Variants in VSX2 observed in about 807,000 individuals in gnomAD.
The protein encoded by VSX2 is ceh-10 homeo domain containing homolog.
VSX2 carries 28 observed loss-of-function variants against 32.1 expected under a neutral mutation model. The observed-to-expected ratio is 0.87, with a 90% CI of 0.65 to 1.20. VSX2 has a LOEUF of 1.20. Among genes scored for constraint, VSX2 ranks in the 50% most tolerant of loss-of-function variants. VSX2 has a pLI of 0.00. For synonymous variants in VSX2, 243 were observed against 214.1 expected (o/e 1.14, Z -1.18); for missense variants, 506 against 488.7 (o/e 1.04, Z -0.33).
intron 3 of VSX2, among the ~76,000 whole-genome samples, chr14:74,248,675 AG>A (rs945937519): frequency 7.3e-5 from 11 of 150,012 alleles, no homozygotes; most frequent in Non-Finnish European, 1.3e-4. Context: ...TGGGTGACAG[AG>A]TGAGACTCTG....
intron 2 of VSX2, among the ~76,000 whole-genome samples, chr14:74,243,226 T>TG (rs1389493724): frequency 2.6e-5 from 4 of 152,106 alleles, no homozygotes; most frequent in African/African-American, 7.2e-5. Flanking sequence ...TAAAAGCGTT[T>TG]GGGGGGTGGC....
chr14:74,242,593 AT>A (rs529681821), intron 2 of VSX2, among the ~76,000 whole-genome samples: 177 of 143,632 alleles, frequency 1.2e-3, no homozygotes, highest in African/African-American at 4.2e-3. Context: ...AAAAAGAAAA[AT>A]TTTTTTGGTC....
chr14:74,241,747 G>T (rs943845787), intron 2 of VSX2, among the ~76,000 whole-genome samples: 1 of 152,340 alleles, frequency 6.6e-6, no homozygotes, highest in South Asian at 2.1e-4. Flanking sequence ...GTTCTCCAAA[G>T]CTGGAGCGAT....
intron 3 of VSX2, among the ~76,000 whole-genome samples, chr14:74,245,996 C>T (rs932189815): frequency 2.0e-5 from 3 of 152,238 alleles, no homozygotes; most frequent in Non-Finnish European, 4.4e-5. Flanking sequence ...GGGGCCTCCA[C>T]TTAGCGGCAG....
chr14:74,248,350 A>AC (rs1555388010), intron 3 of VSX2, among the ~76,000 whole-genome samples: 2 of 139,812 alleles, frequency 1.4e-5, no homozygotes, highest in African/African-American at 5.2e-5. Flanking sequence ...AAAAAAAAAA[A>AC]ACAAAAAAAA....
At chr14:74,243,341 G>A (rs2079163539) in intron 2 of VSX2, among the ~76,000 whole-genome samples, 1 of 152,158 alleles carries the variant, frequency 6.6e-6, no homozygotes, top group Non-Finnish European at 1.5e-5. Flanking sequence ...AGCCTGAAGG[G>A]TCTGGGGTTC....
chr14:74,248,357 AAAAC>A (rs1232906766), intron 3 of VSX2, among the ~76,000 whole-genome samples: 1 of 103,730 alleles, frequency 9.6e-6, no homozygotes, highest in African/African-American at 2.9e-5. Flanking sequence ...AAAAACAAAA[AAAAC>A]CAAAAACGAG....
At chr14:74,250,250 T>A (rs79789519) in intron 3 of VSX2, among the ~76,000 whole-genome samples, 6 of 8,038 alleles carry the variant, frequency 7.5e-4, no homozygotes, top group African/African-American at 5.1e-4. Context: ...AAAAAAAAAA[T>A]TTTTTTTTTT....
intron 3 of VSX2, among the ~76,000 whole-genome samples, chr14:74,250,359 A>G (rs1275843969): frequency 6.6e-6 from 1 of 152,146 alleles, no homozygotes; most frequent in African/African-American, 2.4e-5. Context: ...CTGAGGGGTC[A>G]CTTGTTACTA....
chr14:74,257,716 A>T (rs28710281), intron 3 of VSX2, among the ~76,000 whole-genome samples: 14 of 139,920 alleles, frequency 1.0e-4, no homozygotes, highest in South Asian at 4.7e-4. Context: ...ACCACCCCCC[A>T]CCCACTTCCC....
chr14:74,252,053 G>A (rs532055675), intron 3 of VSX2, among the ~76,000 whole-genome samples: 1 of 152,336 alleles, frequency 6.6e-6, no homozygotes, highest in Admixed American at 6.5e-5. Flanking sequence ...GACTGCAGAG[G>A]GTCTCCTGGG....
Position 74,259,501 on chromosome 14 carries a change from C to T in VSX2, c.580-101C>T, listed in dbSNP as rs533961799. On this transcript the variant is annotated intron_variant, in intron 3 of 4. Coordinates refer to ENST00000261980, the MANE Select transcript of VSX2 (RefSeq NM_182894.3). The stretch of plus-strand genomic sequence containing the variant: ...GGAGTAGGCGAGCTTAGGTTAAGGA[C>T]GCCCTGCTGGAGAAATCTTCACTCC... 40 of 1,466,310 alleles carry T rather than the reference C, an allele frequency of 2.7e-5. No individual in the cohort carries two copies. In the East Asian group the frequency reaches 6.4e-4, roughly 24 times the overall value. 90.8% of individuals were successfully genotyped at this position (1,466,310 alleles called of 1,614,324 possible). A position where few individuals can be genotyped will look rare whatever the true frequency, so the allele number is the denominator to read the frequency against.
Position 74,260,725 on chromosome 14 carries a change from C to T in VSX2, c.892C>T (p.Gln298Ter), listed in dbSNP as rs1337427944. The change falls in exon 5 of 5, where the codon CAG becomes TAG. Residue 298 changes from glutamine to a stop codon, truncating the protein, a stop_gained. Transcript: ENST00000261980. LOFTEE classifies it high-confidence loss of function. Reference protein sequence around the residue: ...RGPDAQAAISQEELRENSIAV... With the variant: ...RGPDAQAAIS ...CCCCGACGCTCAGGCGGCCATCTCC[C>T]AGGAGGAACTGAGGGAGAACAGCAT... 2 of 1,593,016 alleles carry T rather than the reference C, an allele frequency of 1.3e-6. No individual in the cohort carries two copies. The highest frequency in any genetic ancestry group is 1.3e-5 in the African/African-American group (1 of 74,694).
At chr14:74,253,048 C>CAAA (rs34396021) in intron 3 of VSX2, among the ~76,000 whole-genome samples, 3,627 of 95,364 alleles carry the variant, frequency 0.038, 130 homozygotes, top group African/African-American at 0.094. Context: ...GACTCCATCT[C>CAAA]AAAAAAAAAA....
At position 74,260,745 on chromosome 14, in the gene VSX2, C is replaced by G. The variant is rs747465284; in HGVS notation, c.912C>G (p.Asn304Lys). 6 of 1,592,002 alleles carry G rather than the reference C, an allele frequency of 3.8e-6. No individual in the cohort carries two copies. The highest frequency in any genetic ancestry group is 1.7e-4 in the Middle Eastern group (1 of 6,046). ...TCTCCCAGGAGGAACTGAGGGAGAA[C>G]AGCATTGCGGTGCTCCGGGCCAAAG... Reference protein sequence around the residue: ...AAISQEELRENSIAVLRAKAQ... With the variant: ...AAISQEELREKSIAVLRAKAQ... The change falls in exon 5 of 5, where the codon AAC (asparagine) becomes AAG (lysine). Residue 304 changes from asparagine to lysine, a missense_variant. Coordinates refer to ENST00000261980, the MANE Select transcript of VSX2 (RefSeq NM_182894.3).
In VSX2 at chr14:74,259,698, G is replaced by A; in HGVS notation, c.676G>A (p.Val226Met). 6.2e-7 allele frequency: 1 copy of A among 1,614,076 alleles called. No individual in the cohort carries two copies. The highest frequency in any genetic ancestry group is 1.3e-5 in the African/African-American group (1 of 75,038). The change falls in exon 4 of 5, where the codon GTG becomes ATG. Residue 226 changes from valine to methionine, a missense_variant. By Grantham distance (21) the Val-to-Met change is conservative (BLOSUM62 1). Transcript: ENST00000261980. ...MAEYGLYGAM[V>M]RHSIPLPESI... ...GGAGTATGGGCTCTACGGGGCCATG[G>A]TGCGGCACTCCATCCCCCTGCCCGA...
In VSX2 at chr14:74,247,801, A is replaced by T. The variant is rs539368835; in HGVS notation, c.579+2513A>T. Among the ~76,000 whole-genome samples, 485 of 53,842 alleles carry T rather than the reference A, an allele frequency of 9.0e-3. 7 individuals are homozygous for T. Among genetic ancestry groups the T allele is most frequent in the African/African-American group, 0.017 (459 of 26,628 alleles). 35.3% of individuals were successfully genotyped at this position (53,842 alleles called of 152,430 possible). A position where few individuals can be genotyped will look rare whatever the true frequency, so the allele number is the denominator to read the frequency against. ...GTTTATTGAGTACCAGGCACTGTTT[A>T]AAAAAAAAAAAACAGCCCAAAACTC... On this transcript the variant is annotated intron_variant, in intron 3 of 4. Transcript: ENST00000261980.
At chr14:74,251,835 TA>T (rs1389150043) in intron 3 of VSX2, among the ~76,000 whole-genome samples, 4 of 152,078 alleles carry the variant, frequency 2.6e-5, no homozygotes, top group African/African-American at 9.7e-5. Context: ...GTGAAGCCCT[TA>T]AGTCACGCCA....
At chr14:74,240,420 C>T (rs2079141466) in intron 1 of VSX2, among the ~76,000 whole-genome samples, 1 of 152,114 alleles carries the variant, frequency 6.6e-6, no homozygotes, top group East Asian at 1.9e-4. Flanking sequence ...TATTTTTCAC[C>T]CCCACGAGCT....
Sources: gnomAD v4.1 joint callset for allele counts (sites outside exome capture counted in the v4.1 genomes callset) on GRCh38, gnomAD v4.1.1 for gene constraint, MANE v1.5 for transcripts, NCBI Gene and HGNC (gene_info 2026-07-23, HGNC 2026-07-21) for gene names.